Variants in UBE2U observed in about 807,000 individuals in gnomAD.
UBE2U encodes the protein ubiquitin-conjugating enzyme E2 U.
UBE2U carries 39 observed loss-of-function variants against 41.2 expected under a neutral mutation model. The observed-to-expected ratio is 0.95, with a 90% CI of 0.73 to 1.24. The LOEUF (loss-of-function observed/expected upper bound fraction) is 1.24, where lower values mean the gene tolerates loss of function less well. Among genes scored for constraint, UBE2U ranks in the 50% most tolerant of loss-of-function variants. UBE2U has a pLI of 0.00. For missense variants in UBE2U, 336 were observed against 363.1 expected (o/e 0.93, Z 0.61); for synonymous variants, 107 against 117.8 (o/e 0.91, Z 0.60).
intron 1 of UBE2U, 152 bp downstream of exon 1, chr1:64,204,268 G>A (rs892701989): frequency 6.6e-6 from 4 of 607,964 alleles, no homozygotes; most frequent in Non-Finnish European, 1.1e-5. Context: ...CTGAAGTAAT[G>A]TGTTTCATAT....
chr1:64,205,387 C>T (rs974944958), intron 1 of UBE2U, among the ~76,000 whole-genome samples: 1 of 152,138 alleles, frequency 6.6e-6, no homozygotes, highest in Non-Finnish European at 1.5e-5. Context: ...CTAATCTTGA[C>T]TCTCTAGTCC....
intron 8 of UBE2U, among the ~76,000 whole-genome samples, chr1:64,251,436 G>C (rs1302391426): frequency 6.6e-6 from 1 of 152,080 alleles, no homozygotes; most frequent in Non-Finnish European, 1.5e-5. Flanking sequence ...TAGATGAAAA[G>C]AAATTCTGTA....
chr1:64,252,469 G>T (rs1300416154), intron 8 of UBE2U, among the ~76,000 whole-genome samples: 5 of 152,192 alleles, frequency 3.3e-5, no homozygotes, highest in Admixed American at 1.3e-4. Flanking sequence ...TCCAATAGGG[G>T]TCTCCAGTCA....
At chr1:64,221,166 C>T (rs547373957) in intron 6 of UBE2U, among the ~76,000 whole-genome samples, 1 of 152,256 alleles carries the variant, frequency 6.6e-6, no homozygotes, top group South Asian at 2.1e-4. Flanking sequence ...GGCTGGAATG[C>T]AATGGCGCAA....
chr1:64,239,156 G>A (rs867042479), intron 7 of UBE2U, among the ~76,000 whole-genome samples: 2 of 28,392 alleles, frequency 7.0e-5, no homozygotes, highest in East Asian at 1.5e-3. Context: ...AGAAGAAGAA[G>A]AAAGAAGAAG....
Position 64,232,549 on chromosome 1 carries a change from T to G in UBE2U, c.507-12T>G, listed in dbSNP as rs369081392. 3 of 1,600,830 alleles carry G rather than the reference T, an allele frequency of 1.9e-6. No individual in the cohort carries two copies. The highest frequency in any genetic ancestry group is 1.3e-5 in the African/African-American group (1 of 74,566). ...AAACTGCCCATCGTCTGATTTTTAT[T>G]TATATTTTCAGACCAATTAAAACAA... On this transcript the variant is annotated splice_polypyrimidine_tract_variant and intron_variant, in intron 6 of 9. Coordinates refer to ENST00000371077, the MANE Select transcript of UBE2U (RefSeq NM_001366232.2).
intron 7 of UBE2U, among the ~76,000 whole-genome samples, chr1:64,235,742 C>A (rs188828845): frequency 2.0e-5 from 3 of 152,204 alleles, no homozygotes; most frequent in East Asian, 1.9e-4. Context: ...TATACATAGT[C>A]GTTGGCATCA....
intron 6 of UBE2U, among the ~76,000 whole-genome samples, chr1:64,232,029 G>A (rs559829574): frequency 6.6e-6 from 1 of 152,300 alleles, no homozygotes; most frequent in South Asian, 2.1e-4. Context: ...ACAGGGAGGG[G>A]AAAGTAGCAC....
At chr1:64,253,180 CT>C (rs1645038716) in intron 8 of UBE2U, among the ~76,000 whole-genome samples, 1 of 152,002 alleles carries the variant, frequency 6.6e-6, no homozygotes, top group African/African-American at 2.4e-5. Flanking sequence ...TGAAGTCTAT[CT>C]TTCTGAAATA....
At chr1:64,265,979 C>T (rs1389550385) in intron 9 of UBE2U, among the ~76,000 whole-genome samples, 1 of 152,180 alleles carries the variant, frequency 6.6e-6, no homozygotes, top group African/African-American at 2.4e-5. Context: ...GGGTTTATTT[C>T]ATGTGTGAGG....
rs112891051 is a variant in UBE2U, at chr1:64,239,318, G to C, written c.596-2334G>C. Among the ~76,000 whole-genome samples the C allele has an allele frequency of 2.7e-3, 415 of 151,736 alleles. 2 individuals carry two copies. Among genetic ancestry groups the C allele is most frequent in the African/African-American group, 9.6e-3 (397 of 41,442 alleles). ...AAAGTATATATGAGCATATGATCTG[G>C]CTTAATAATATTTCATGTAAAAATT... On this transcript the variant is annotated intron_variant, in intron 7 of 9. Coordinates refer to ENST00000371077, the MANE Select transcript of UBE2U (RefSeq NM_001366232.2).
In UBE2U at chr1:64,214,807, T is replaced by C. The variant is rs376355890; in HGVS notation, c.340-8T>C. 11 of 1,610,324 alleles carry C rather than the reference T, an allele frequency of 6.8e-6. No individual in the cohort carries two copies. Among genetic ancestry groups the C allele is most frequent in the Non-Finnish European group, 9.3e-6 (11 of 1,177,114 alleles). The stretch of plus-strand genomic sequence containing the variant: ...CTGAAATTATATGTTGTCTGTGTTT[T>C]CCTATAGGTTATGCTTTCTAATCCA... On this transcript the variant is annotated splice_polypyrimidine_tract_variant and splice_region_variant and intron_variant, in intron 4 of 9. Coordinates refer to ENST00000371077, the MANE Select transcript of UBE2U (RefSeq NM_001366232.2).
chr1:64,228,794 T>G (rs12353939), intron 6 of UBE2U, among the ~76,000 whole-genome samples: 33,636 of 146,608 alleles, frequency 0.23, 5,789 homozygotes, highest in African/African-American at 0.46. Flanking sequence ...GTTCAAGCGA[T>G]TCTCCTGCCT....
At chr1:64,258,370 G>A (rs907854791) in intron 8 of UBE2U, among the ~76,000 whole-genome samples, 7 of 152,088 alleles carry the variant, frequency 4.6e-5, no homozygotes, top group South Asian at 2.1e-4. Context: ...TGTGCACAAC[G>A]TGCAGGTTTG....
At chr1:64,239,099 G>GAAAAGAAGAAGAA (rs1281562918) in intron 7 of UBE2U, among the ~76,000 whole-genome samples, 2 of 5,992 alleles carry the variant, frequency 3.3e-4, no homozygotes, top group African/African-American at 1.6e-3. Context: ...AGAGGAAGAA[G>GAAAAGAAGAAGAA]AAGAAGAAGA....
chr1:64,229,183 C>G (rs1259418443), intron 6 of UBE2U, among the ~76,000 whole-genome samples: 1 of 151,840 alleles, frequency 6.6e-6, no homozygotes, highest in Admixed American at 6.6e-5. Context: ...TTAATAGAGA[C>G]GGGGTTTCAC....
At chr1:64,221,037 A>G in intron 6 of UBE2U, 130 bp downstream of exon 6, 5 of 619,866 alleles carry the variant, frequency 8.1e-6, no homozygotes, top group Non-Finnish European at 1.3e-5. Flanking sequence ...ATCTTTTTAA[A>G]ATATTGTTTT....
chr1:64,210,633 A>G (rs2100261837), intron 3 of UBE2U, 109 bp from the exon 4 acceptor site: 3 of 696,930 alleles, frequency 4.3e-6, no homozygotes, highest in Non-Finnish European at 6.5e-6. Flanking sequence ...GAACTAGGAA[A>G]AAGGAAGAGT....
chr1:64,236,115 G>C (rs1192966737), intron 7 of UBE2U, among the ~76,000 whole-genome samples: 1 of 152,118 alleles, frequency 6.6e-6, no homozygotes, highest in African/African-American at 2.4e-5. Flanking sequence ...TAACCTCTCT[G>C]TGTCCCAGTT....
Sources: gnomAD v4.1 joint callset for allele counts (sites outside exome capture counted in the v4.1 genomes callset) on GRCh38, gnomAD v4.1.1 for gene constraint, MANE v1.5 for transcripts, NCBI Gene and HGNC (gene_info 2026-07-23, HGNC 2026-07-21) for gene names.